Variants in SLC44A5 observed in about 807,000 individuals in gnomAD.
SLC44A5 encodes solute carrier family 44 member 5.
A neutral mutation model predicts 101.8 loss-of-function variants in SLC44A5; 57 were observed. The ratio of observed to expected loss-of-function variants is 0.56; its 90% CI spans 0.45 to 0.70. The LOEUF (loss-of-function observed/expected upper bound fraction) is 0.70, where lower values mean the gene tolerates loss of function less well. Among genes scored for constraint, SLC44A5 ranks in the 30% least tolerant of loss-of-function variants. SLC44A5 has a pLI of 0.00. For missense variants in SLC44A5, 737 were observed against 853.1 expected (o/e 0.86, Z 1.70); for synonymous variants, 281 against 290.9 (o/e 0.97, Z 0.35).
At chr1:75,329,840 C>T (rs1656886529) in intron 4 of SLC44A5, among the ~76,000 whole-genome samples, 1 of 152,020 alleles carries the variant, frequency 6.6e-6, no homozygotes. Flanking sequence ...ATTTTTAAGC[C>T]ATTGCAAGAG....
At chr1:75,375,586 A>T (rs1162963924) in intron 3 of SLC44A5, among the ~76,000 whole-genome samples, 2 of 152,216 alleles carry the variant, frequency 1.3e-5, no homozygotes, top group Admixed American at 1.3e-4. Context: ...AACTGTAGAA[A>T]AGGGTCATAT....
the SLC44A5 span, among the ~76,000 whole-genome samples, chr1:75,698,183 T>C: frequency 3.8e-4 from 58 of 152,272 alleles, no homozygotes; most frequent in East Asian, 1.2e-3. Flanking sequence ...CCTCTGTAGG[T>C]TCCACCTCTG....
intron 18 of SLC44A5, 34 bp downstream of exon 18, chr1:75,217,832 A>G: frequency 7.2e-7 from 1 of 1,380,204 alleles, no homozygotes; most frequent in Non-Finnish European, 1.0e-6. Context: ...CCAATTTATT[A>G]TCTTCACAAA....
intron 6 of SLC44A5, among the ~76,000 whole-genome samples, chr1:75,258,328 G>A (rs1020490051): frequency 3.3e-5 from 5 of 152,036 alleles, no homozygotes; most frequent in South Asian, 2.1e-4. Context: ...GTCTGAGCTC[G>A]ACCTGGGATG....
chr1:75,508,417 A>G (rs576980149), intron 2 of SLC44A5, among the ~76,000 whole-genome samples: 1 of 152,326 alleles, frequency 6.6e-6, no homozygotes, highest in Admixed American at 6.5e-5. Flanking sequence ...TCTCAAATTA[A>G]CATTCTAACA....
At chr1:75,457,905 G>C (rs1382713377) in intron 2 of SLC44A5, among the ~76,000 whole-genome samples, 1 of 151,442 alleles carries the variant, frequency 6.6e-6, no homozygotes, top group Non-Finnish European at 1.5e-5. Context: ...GGAGAAACAA[G>C]TGGAAGTAAA....
intron 5 of SLC44A5, among the ~76,000 whole-genome samples, chr1:75,293,517 G>A (rs1288151674): frequency 6.6e-6 from 1 of 152,176 alleles, no homozygotes; most frequent in East Asian, 1.9e-4. Context: ...TAATATGTGA[G>A]GAACAGGCCG....
At chr1:75,429,946 A>G (rs1409110208) in intron 2 of SLC44A5, among the ~76,000 whole-genome samples, 1 of 152,192 alleles carries the variant, frequency 6.6e-6, no homozygotes, top group Non-Finnish European at 1.5e-5. Context: ...AAGGATACAA[A>G]TTCCAAAATA....
At chr1:75,712,404 A>G in the SLC44A5 span, among the ~76,000 whole-genome samples, 1 of 152,250 alleles carries the variant, frequency 6.6e-6, no homozygotes, top group African/African-American at 2.4e-5. Flanking sequence ...GAAGTCATTA[A>G]GAGAGAAAAC....
At chr1:75,444,215 G>T (rs1246623124) in intron 2 of SLC44A5, among the ~76,000 whole-genome samples, 1 of 151,712 alleles carries the variant, frequency 6.6e-6, no homozygotes, top group Non-Finnish European at 1.5e-5. Context: ...TGCTTGAGAG[G>T]CTGAGGCAGG....
At chr1:75,702,913 G>A in the SLC44A5 span, among the ~76,000 whole-genome samples, 15 of 152,130 alleles carry the variant, frequency 9.9e-5, no homozygotes, top group South Asian at 1.0e-3. Context: ...GAAAAAATGC[G>A]CATCATCACT....
At chr1:75,411,178 A>G (rs909900980) in intron 2 of SLC44A5, among the ~76,000 whole-genome samples, 4 of 152,114 alleles carry the variant, frequency 2.6e-5, no homozygotes, top group African/African-American at 9.7e-5. Flanking sequence ...TAGATAAAAA[A>G]CAGTATTCAT....
At chr1:75,383,209 C>G (rs2101260575) in intron 3 of SLC44A5, among the ~76,000 whole-genome samples, 1 of 110,490 alleles carries the variant, frequency 9.1e-6, no homozygotes, top group African/African-American at 3.6e-5. Flanking sequence ...ACGTGTTTGT[C>G]TGCTGACCCT....
chr1:75,676,484 T>C, the SLC44A5 span, among the ~76,000 whole-genome samples: 1 of 152,146 alleles, frequency 6.6e-6, no homozygotes, highest in Non-Finnish European at 1.5e-5. Context: ...TTCCCACTTA[T>C]CAGTGGGAGC....
chr1:75,408,088 T>C (rs1663018873), intron 2 of SLC44A5, among the ~76,000 whole-genome samples: 1 of 152,174 alleles, frequency 6.6e-6, no homozygotes, highest in Non-Finnish European at 1.5e-5. Context: ...AAGACATTTA[T>C]GTGGCCTACA....
chr1:75,551,540 T>C (rs1204112289), intron 1 of SLC44A5, among the ~76,000 whole-genome samples: 4 of 152,144 alleles, frequency 2.6e-5, no homozygotes, highest in Non-Finnish European at 4.4e-5. Context: ...AACTTCCTCA[T>C]AGAGACGTCT....
chr1:75,274,179 G>T (rs569176718), intron 6 of SLC44A5, among the ~76,000 whole-genome samples: 32 of 147,396 alleles, frequency 2.2e-4, no homozygotes, highest in Middle Eastern at 7.0e-3. Context: ...TTGCTTTGGG[G>T]TTTTTTTTTT....
At position 75,300,692 on chromosome 1, in the gene SLC44A5, A is replaced by G; in HGVS notation, c.102-7T>C. 6.4e-7 allele frequency: 1 copy of G among 1,561,982 alleles called. No homozygotes were observed. The highest frequency in any genetic ancestry group is 8.6e-7 in the Non-Finnish European group (1 of 1,156,344). The stretch of plus-strand genomic sequence containing the variant: ...CAGAACATCTGTACAACTCCTAAAG[A>G]CAAAAAAAGAAATAAATAATTAAAA... On this transcript the variant is annotated splice_region_variant and splice_polypyrimidine_tract_variant and intron_variant, in intron 4 of 23. Coordinates refer to ENST00000370859, the MANE Select transcript of SLC44A5 (RefSeq NM_001130058.2).
chr1:75,665,309 A>G, the SLC44A5 span, among the ~76,000 whole-genome samples: 3 of 152,190 alleles, frequency 2.0e-5, no homozygotes, highest in South Asian at 2.1e-4. Context: ...ACACACCTAT[A>G]GTCACTTGAT....
Sources: allele counts gnomAD v4.1 joint callset (sites outside exome capture counted in the v4.1 genomes callset), GRCh38; gene constraint gnomAD v4.1.1; transcripts MANE v1.5; gene names NCBI Gene and HGNC (gene_info 2026-07-23, HGNC 2026-07-21).